Variants in LRMDA observed in about 807,000 individuals in gnomAD.
LRMDA encodes the protein leucine-rich melanocyte differentiation-associated protein.
A neutral mutation model predicts 29.8 loss-of-function variants in LRMDA; 18 were observed. The observed-to-expected ratio is 0.60, with a 90% CI of 0.42 to 0.90. The LOEUF (loss-of-function observed/expected upper bound fraction) is 0.90, where lower values mean the gene tolerates loss of function less well. Among genes scored for constraint, LRMDA ranks in the 40% least tolerant of loss-of-function variants. The pLI, the probability that LRMDA is intolerant of heterozygous loss-of-function variation, is 0.00. For synonymous variants in LRMDA, 125 were observed against 109.4 expected (o/e 1.14, Z -0.89); for missense variants, 273 against 273.9 (o/e 1.00, Z 0.02).
chr10:76,215,026 T>C (rs1268681414), intron 5 of LRMDA, among the ~76,000 whole-genome samples: 1 of 152,222 alleles, frequency 6.6e-6, no homozygotes, highest in Non-Finnish European at 1.5e-5. Context: ...TGCCTGTTGT[T>C]CTTCAGAAAC....
chr10:76,497,355 CT>C lies in LRMDA; in HGVS notation c.602-59851del, dbSNP rs1478190239. Among the ~76,000 whole-genome samples the C allele has an allele frequency of 2.6e-5, 2 of 75,538 alleles. 1 individual carries two copies. The highest frequency in any genetic ancestry group is 6.4e-5 in the African/African-American group (2 of 31,106). 49.6% of individuals were successfully genotyped at this position (75,538 alleles called of 152,430 possible). ...TTTGATAACACAGAATCATGATCTGCTTTGACATTCCAAAATTATGGAGGAG... is the reference window on the plus strand; with the variant it reads ...TTTGATAACACAGAATCATGATCTGCTTGACATTCCAAAATTATGGAGGAG... On this transcript the variant is annotated intron_variant, in intron 6 of 6. Coordinates refer to ENST00000611255, the MANE Select transcript of LRMDA (RefSeq NM_001305581.2).
chr10:75,436,451 A>G (rs1399882307), intron 1 of LRMDA, among the ~76,000 whole-genome samples: 1 of 151,994 alleles, frequency 6.6e-6, no homozygotes, highest in Non-Finnish European at 1.5e-5. Context: ...GTGAACGTAC[A>G]ATACAGAAGA....
At chr10:76,186,680 C>G (rs993063702) in intron 5 of LRMDA, among the ~76,000 whole-genome samples, 2 of 152,166 alleles carry the variant, frequency 1.3e-5, no homozygotes, top group Non-Finnish European at 2.9e-5. Flanking sequence ...TGTCGGTGCA[C>G]ATTTATTGGG....
At chr10:76,007,685 A>G (rs1017990214) in intron 2 of LRMDA, among the ~76,000 whole-genome samples, 2 of 152,158 alleles carry the variant, frequency 1.3e-5, no homozygotes, top group Non-Finnish European at 2.9e-5. Flanking sequence ...TTCCAGACTA[A>G]TTTACTATGG....
intron 6 of LRMDA, among the ~76,000 whole-genome samples, chr10:76,503,176 T>C (rs1473727669): frequency 6.6e-6 from 1 of 152,056 alleles, no homozygotes; most frequent in Admixed American, 6.6e-5. Context: ...GTTTTAATTC[T>C]GTTTATGTGA....
intron 2 of LRMDA, among the ~76,000 whole-genome samples, chr10:75,892,331 T>C (rs1385012171): frequency 6.6e-6 from 1 of 152,194 alleles, no homozygotes; most frequent in Non-Finnish European, 1.5e-5. Flanking sequence ...GATGTCCCTG[T>C]CACCTTGAAT....
At chr10:76,409,991 T>C (rs977949790) in intron 6 of LRMDA, among the ~76,000 whole-genome samples, 1 of 152,186 alleles carries the variant, frequency 6.6e-6, no homozygotes, top group Non-Finnish European at 1.5e-5. Flanking sequence ...GAAGTCTTCC[T>C]GGAAGAGGTA....
intron 5 of LRMDA, among the ~76,000 whole-genome samples, chr10:76,115,212 T>G (rs962476090): frequency 6.6e-6 from 1 of 152,246 alleles, no homozygotes; most frequent in Non-Finnish European, 1.5e-5. Flanking sequence ...TACTATTGAT[T>G]AAACACAAGA....
intron 2 of LRMDA, among the ~76,000 whole-genome samples, chr10:75,469,440 G>A (rs895696003): frequency 3.3e-5 from 5 of 152,060 alleles, no homozygotes; most frequent in Admixed American, 1.3e-4. Flanking sequence ...AACCTAGAGC[G>A]TGTGCTGCTT....
At chr10:75,663,832 T>C (rs1841786052) in intron 2 of LRMDA, among the ~76,000 whole-genome samples, 1 of 152,182 alleles carries the variant, frequency 6.6e-6, no homozygotes, top group Non-Finnish European at 1.5e-5. Flanking sequence ...CAGCATGGTG[T>C]TATAGGAATC....
intron 2 of LRMDA, among the ~76,000 whole-genome samples, chr10:75,894,088 G>A (rs1256434088): frequency 2.6e-5 from 4 of 152,062 alleles, no homozygotes; most frequent in Admixed American, 2.6e-4. Flanking sequence ...ATATGAGTCA[G>A]TTCTTTAGTG....
At chr10:76,230,859 T>C (rs1852046012) in intron 5 of LRMDA, among the ~76,000 whole-genome samples, 1 of 152,182 alleles carries the variant, frequency 6.6e-6, no homozygotes, top group Non-Finnish European at 1.5e-5. Context: ...GGCTGGAGTA[T>C]CTAAATTGAA....
chr10:75,540,934 C>T (rs1017569254), intron 2 of LRMDA, among the ~76,000 whole-genome samples: 1 of 151,426 alleles, frequency 6.6e-6, no homozygotes, highest in Admixed American at 6.6e-5. Flanking sequence ...ATTGCTTTTA[C>T]AGGAAGAGCT....
chr10:76,503,713 T>C (rs2132344906), intron 6 of LRMDA, among the ~76,000 whole-genome samples: 1 of 151,988 alleles, frequency 6.6e-6, no homozygotes, highest in East Asian at 1.9e-4. Flanking sequence ...TTAGATCTTC[T>C]GGGTTTTTTT....
chr10:75,539,363 G>A (rs1839988514), intron 2 of LRMDA, among the ~76,000 whole-genome samples: 1 of 152,166 alleles, frequency 6.6e-6, no homozygotes, highest in Non-Finnish European at 1.5e-5. Flanking sequence ...TTCAGTAAGT[G>A]TTACTTGAGA....
chr10:75,948,514 G>C (rs375245297), intron 2 of LRMDA, among the ~76,000 whole-genome samples: 1 of 152,270 alleles, frequency 6.6e-6, no homozygotes, highest in East Asian at 1.9e-4. Flanking sequence ...ATTAAGGCTG[G>C]GATAATGCAC....
intron 6 of LRMDA, among the ~76,000 whole-genome samples, chr10:76,375,571 A>G (rs1841506339): frequency 6.6e-6 from 1 of 152,192 alleles, no homozygotes; most frequent in African/African-American, 2.4e-5. Context: ...TAGTTTATAG[A>G]TGCAGTGGAT....
In LRMDA at chr10:76,258,204, T is replaced by C. The variant is rs7081598; in HGVS notation, c.517-66197T>C. Among the ~76,000 whole-genome samples, 409 of 152,320 alleles carry C rather than the reference T, an allele frequency of 2.7e-3. 3 individuals are homozygous for C. Among genetic ancestry groups the C allele is most frequent in the African/African-American group, 9.3e-3 (386 of 41,576 alleles). ...TTGTGAATAATCTACCACCTACCCA[T>C]AAGGGTTGTGTTATCTCCAGGTATT... On this transcript the variant is annotated intron_variant, in intron 5 of 6. Transcript: ENST00000611255.
intron 2 of LRMDA, among the ~76,000 whole-genome samples, chr10:75,853,059 A>G (rs1844759691): frequency 6.6e-6 from 1 of 152,098 alleles, no homozygotes; most frequent in African/African-American, 2.4e-5. Flanking sequence ...AGTCACTGTC[A>G]TGAAAATAGC....
Sources: allele counts gnomAD v4.1 joint callset (sites outside exome capture counted in the v4.1 genomes callset), GRCh38; gene constraint gnomAD v4.1.1; transcripts MANE v1.5; gene names NCBI Gene and HGNC (gene_info 2026-07-23, HGNC 2026-07-21).